Variants in MACROD2 observed in about 807,000 individuals in gnomAD.
MACROD2 encodes the protein ADP-ribose glycohydrolase MACROD2.
Under a neutral mutation model 70.4 loss-of-function variants are expected in MACROD2, and 36 were observed. The observed-to-expected ratio is 0.51, with a 90% CI of 0.39 to 0.68. The LOEUF is 0.68. MACROD2 is among the 30% of genes least tolerant of loss of function. The probability of loss-of-function intolerance (pLI) is 0.00; values close to 1 mark genes in which losing one functional copy is unlikely to be tolerated. For missense variants in MACROD2, 496 were observed against 538.4 expected (o/e 0.92, Z 0.78); for synonymous variants, 172 against 178.8 (o/e 0.96, Z 0.30).
intron 8 of MACROD2, among the ~76,000 whole-genome samples, chr20:15,808,055 G>A (rs573492671): frequency 3.3e-5 from 5 of 151,986 alleles, no homozygotes; most frequent in African/African-American, 1.2e-4. Context: ...CCCCAGTCAC[G>A]TACCCCCTCC....
chr20:14,370,940 A>G (rs2083316682), intron 3 of MACROD2, among the ~76,000 whole-genome samples: 2 of 152,212 alleles, frequency 1.3e-5, no homozygotes, highest in Non-Finnish European at 2.9e-5. Flanking sequence ...TATTCATAGC[A>G]GTTAATTCAG....
intron 5 of MACROD2, among the ~76,000 whole-genome samples, chr20:14,840,889 GGACAC>G (rs2073080026): frequency 6.6e-6 from 1 of 151,994 alleles, no homozygotes; most frequent in Non-Finnish European, 1.5e-5. Flanking sequence ...GCTAGTATGA[GGACAC>G]TGCACTCTGA....
At chr20:15,374,525 G>A in intron 6 of MACROD2, among the ~76,000 whole-genome samples, 1 of 152,152 alleles carries the variant, frequency 6.6e-6, no homozygotes. Flanking sequence ...ATTTGAAGAA[G>A]AGAACACAGC....
intron 3 of MACROD2, among the ~76,000 whole-genome samples, chr20:14,135,825 T>C (rs921298007): frequency 1.3e-5 from 2 of 152,220 alleles, no homozygotes; most frequent in African/African-American, 2.4e-5. Context: ...TGTCATTCTC[T>C]TTATAAATGC....
intron 5 of MACROD2, among the ~76,000 whole-genome samples, chr20:14,848,501 T>A (rs186974994): frequency 6.6e-6 from 1 of 152,150 alleles, no homozygotes; most frequent in African/African-American, 2.4e-5. Context: ...TATCTGGAGA[T>A]AGTAATTTTT....
intron 5 of MACROD2, among the ~76,000 whole-genome samples, chr20:15,220,415 G>A (rs1365351766): frequency 6.6e-6 from 1 of 152,208 alleles, no homozygotes; most frequent in Non-Finnish European, 1.5e-5. Context: ...GAAGCATCGA[G>A]TCACTGCAGG....
intron 5 of MACROD2, among the ~76,000 whole-genome samples, chr20:15,147,413 G>T (rs1263047806): frequency 2.2e-5 from 3 of 133,952 alleles, no homozygotes; most frequent in Non-Finnish European, 4.7e-5. Context: ...CTCTGTGTGT[G>T]TAAAACGGAG....
intron 8 of MACROD2, among the ~76,000 whole-genome samples, chr20:15,591,871 A>G (rs1177073420): frequency 6.6e-6 from 1 of 152,140 alleles, no homozygotes; most frequent in African/African-American, 2.4e-5. Flanking sequence ...CAATGATAAC[A>G]TGAATTGTAA....
chr20:16,018,143 T>C (rs1231205867), intron 15 of MACROD2, among the ~76,000 whole-genome samples: 1 of 152,110 alleles, frequency 6.6e-6, no homozygotes, highest in Non-Finnish European at 1.5e-5. Context: ...ATGAATATTA[T>C]GAGATGGCTC....
intron 6 of MACROD2, among the ~76,000 whole-genome samples, chr20:15,365,168 G>T (rs562442021): frequency 6.6e-6 from 1 of 151,634 alleles, no homozygotes; most frequent in East Asian, 1.9e-4. Flanking sequence ...TATTCTTTGG[G>T]GCGGGGCGGG....
intron 6 of MACROD2, among the ~76,000 whole-genome samples, chr20:15,331,485 G>T (rs1316420529): frequency 6.6e-6 from 1 of 151,332 alleles, no homozygotes; most frequent in Non-Finnish European, 1.5e-5. Flanking sequence ...TAATTTAAAA[G>T]AATTAGTTAA....
intron 3 of MACROD2, among the ~76,000 whole-genome samples, chr20:14,164,946 T>A (rs1355579772): frequency 6.6e-6 from 1 of 152,086 alleles, no homozygotes; most frequent in Non-Finnish European, 1.5e-5. Flanking sequence ...GAATTTGTCC[T>A]TGGGGTGTGT....
chr20:15,992,344 A>G (rs546519576), intron 15 of MACROD2, among the ~76,000 whole-genome samples: 1 of 152,168 alleles, frequency 6.6e-6, no homozygotes, highest in South Asian at 2.1e-4. Context: ...AATATCTCTG[A>G]GAATTCTTTG....
chr20:15,752,787 G>A (rs1449459709), intron 8 of MACROD2, among the ~76,000 whole-genome samples: 1 of 151,968 alleles, frequency 6.6e-6, no homozygotes, highest in Non-Finnish European at 1.5e-5. Flanking sequence ...ACCTCACCAA[G>A]ATTTGTTTCT....
rs372017060 is a variant in MACROD2 at position 15,147,809 on chromosome 20, TA to T, written c.419-82130del. ...TGAAAAGAGAGTCAGTGAAGGGAGCTAGGGGTGGGGCCATTTTATAGGATTT... is the reference window on the plus strand; with the variant it reads ...TGAAAAGAGAGTCAGTGAAGGGAGCTGGGGTGGGGCCATTTTATAGGATTT... On this transcript the variant is annotated intron_variant, in intron 5 of 17. Coordinates refer to ENST00000684519, the MANE Select transcript of MACROD2 (RefSeq NM_001351661.2). Among the ~76,000 whole-genome samples the T allele has an allele frequency of 4.9e-4, 75 of 152,026 alleles. 1 individual carries two copies. The South Asian group carries it at 0.013, about 26-fold the overall frequency.
chr20:15,151,390 C>T (rs2076268942), intron 5 of MACROD2, among the ~76,000 whole-genome samples: 1 of 152,108 alleles, frequency 6.6e-6, no homozygotes, highest in Middle Eastern at 3.4e-3. Flanking sequence ...TGGGGTTTGT[C>T]TCACAGTGGA....
chr20:15,131,675 T>G (rs865876836), intron 5 of MACROD2, among the ~76,000 whole-genome samples: 2 of 152,084 alleles, frequency 1.3e-5, no homozygotes, highest in Non-Finnish European at 2.9e-5. Flanking sequence ...TCAACTCTCT[T>G]TTTAGACATT....
chr20:14,125,919 A>G (rs1048982417), intron 3 of MACROD2, among the ~76,000 whole-genome samples: 6 of 152,188 alleles, frequency 3.9e-5, no homozygotes, highest in Admixed American at 2.0e-4. Context: ...CTAGAAACCA[A>G]TGAAGAACTT....
chr20:14,884,365 G>A (rs1209973672), intron 5 of MACROD2: 1 of 152,442 alleles, frequency 6.6e-6, no homozygotes, highest in South Asian at 2.1e-4. Flanking sequence ...GGTGGCTCAA[G>A]TGGGCTGAAG....
Sources: gnomAD v4.1 joint callset for allele counts (sites outside exome capture counted in the v4.1 genomes callset) on GRCh38, gnomAD v4.1.1 for gene constraint, MANE v1.5 for transcripts, NCBI Gene and HGNC (gene_info 2026-07-23, HGNC 2026-07-21) for gene names.